Variants in ATP8B4 observed in about 807,000 individuals in gnomAD.
ATP8B4 encodes the protein ATPase phospholipid transporting 8B4 (putative), also known as probable phospholipid-transporting ATPase IM.
A neutral mutation model predicts 145.6 loss-of-function variants in ATP8B4; 133 were observed. The observed-to-expected ratio is 0.91, with a 90% confidence interval of 0.79 to 1.05. The LOEUF (loss-of-function observed/expected upper bound fraction) is 1.05, where lower values mean the gene tolerates loss of function less well. Ranked by LOEUF, ATP8B4 falls within the 50% of genes least tolerant of loss-of-function variation. The pLI, the probability that ATP8B4 is intolerant of heterozygous loss-of-function variation, is 0.00. For missense variants in ATP8B4, 1,458 were observed against 1,425.2 expected (o/e 1.02, Z -0.37); for synonymous variants, 507 against 492.9 (o/e 1.03, Z -0.38).
intron 1 of ATP8B4, among the ~76,000 whole-genome samples, chr15:50,142,486 C>A (rs1052141436): frequency 6.6e-6 from 1 of 152,104 alleles, no homozygotes; most frequent in Non-Finnish European, 1.5e-5. Flanking sequence ...GCAACTCTAG[C>A]CTAGATTTAA....
chr15:49,910,788 G>A (rs1024321372), intron 20 of ATP8B4, among the ~76,000 whole-genome samples: 4 of 152,084 alleles, frequency 2.6e-5, no homozygotes, highest in Non-Finnish European at 5.9e-5. Flanking sequence ...TCTAAATAAA[G>A]TTACTTTATT....
chr15:49,918,216 G>A (rs542332250), intron 19 of ATP8B4, among the ~76,000 whole-genome samples: 7 of 152,308 alleles, frequency 4.6e-5, no homozygotes, highest in South Asian at 4.1e-4. Flanking sequence ...AGTAGAACAC[G>A]ATGATTCACT....
chr15:50,138,662 C>A (rs2044165128), intron 1 of ATP8B4, among the ~76,000 whole-genome samples: 1 of 152,150 alleles, frequency 6.6e-6, no homozygotes, highest in Non-Finnish European at 1.5e-5. Flanking sequence ...CTTGTAAAGT[C>A]AACTGAATTT....
intron 3 of ATP8B4, among the ~76,000 whole-genome samples, chr15:50,062,376 C>G (rs1170750918): frequency 6.6e-6 from 1 of 152,118 alleles, no homozygotes; most frequent in African/African-American, 2.4e-5. Context: ...TCACCTTCTA[C>G]TATGTTTGGA....
rs184192650 is a variant in ATP8B4, at chr15:49,961,025, C to T, written c.1287+952G>A. Among the ~76,000 whole-genome samples, 137 of 151,606 alleles carry T rather than the reference C, an allele frequency of 9.0e-4. 1 individual carries two copies. The highest frequency in any genetic ancestry group is 3.2e-3 in the African/African-American group (131 of 41,316). On this transcript the variant is annotated intron_variant, in intron 14 of 27. Coordinates refer to ENST00000284509, the MANE Select transcript of ATP8B4 (RefSeq NM_024837.4). ...GCGGGCGCCTGTAGTCCCAGCTACT[C>T]GGGAGGCTGAGGCAGGAGAATGGCG...
At chr15:50,061,068 C>T (rs970945627) in intron 3 of ATP8B4, among the ~76,000 whole-genome samples, 1 of 152,108 alleles carries the variant, frequency 6.6e-6, no homozygotes, top group Admixed American at 6.6e-5. Flanking sequence ...ATCAATGTCA[C>T]AGATGAAACA....
intron 1 of ATP8B4, among the ~76,000 whole-genome samples, chr15:50,145,609 A>T (rs1301885796): frequency 6.6e-6 from 1 of 152,176 alleles, no homozygotes; most frequent in Non-Finnish European, 1.5e-5. Flanking sequence ...CTAAATGTGA[A>T]TAAATTCTTA....
intron 8 of ATP8B4, among the ~76,000 whole-genome samples, chr15:49,997,510 T>G (rs929366288): frequency 6.6e-6 from 1 of 152,102 alleles, no homozygotes; most frequent in African/African-American, 2.4e-5. Context: ...ATGGAAATGT[T>G]TAGTGGTACT....
chr15:49,930,318 G>A (rs897957415), intron 16 of ATP8B4, among the ~76,000 whole-genome samples: 32 of 152,160 alleles, frequency 2.1e-4, no homozygotes, highest in African/African-American at 7.2e-4. Flanking sequence ...AGAAATAGGA[G>A]ATGAATTTAG....
chr15:50,036,146 G>A (rs895182591), intron 6 of ATP8B4, among the ~76,000 whole-genome samples: 2 of 152,222 alleles, frequency 1.3e-5, no homozygotes, highest in South Asian at 2.1e-4. Flanking sequence ...ATCCTGAGAT[G>A]AGTATTCACA....
At chr15:50,173,391 T>C (rs2044716211) in intron 1 of ATP8B4, among the ~76,000 whole-genome samples, 1 of 152,074 alleles carries the variant, frequency 6.6e-6, no homozygotes, top group Non-Finnish European at 1.5e-5. Flanking sequence ...TCTATAACCT[T>C]ACCCCCAACC....
intron 6 of ATP8B4, among the ~76,000 whole-genome samples, chr15:50,021,871 C>G (rs2049602320): frequency 6.6e-6 from 1 of 152,086 alleles, no homozygotes. Context: ...AACAGATTAG[C>G]TATTTATGTG....
At chr15:50,015,549 T>C (rs1426899754) in intron 6 of ATP8B4, among the ~76,000 whole-genome samples, 1 of 152,158 alleles carries the variant, frequency 6.6e-6, no homozygotes, top group African/African-American at 2.4e-5. Flanking sequence ...GATTGGACCC[T>C]AAGGAGCTGA....
In ATP8B4 at chr15:49,860,254, T is replaced by A; in HGVS notation, c.3519A>T (p.Leu1173Phe). ...TCACGGTGTCTGTGGTTTTCTTACATAAATTTTCAATCCAGCTAGTGCTAT... is the reference window on the plus strand; with the variant it reads ...TCACGGTGTCTGTGGTTTTCTTACAAAAATTTTCAATCCAGCTAGTGCTAT... ...HYNSTSWIEN[L>F]CKKTTDTVSS... The change falls in exon 28 of 28, where the codon TTA (leucine) becomes TTT (phenylalanine). Residue 1173 changes from leucine (L) to phenylalanine (F), a missense_variant. Physicochemically the swap from Leu to Phe is conservative, Grantham distance 22. Coordinates refer to ENST00000284509, the MANE Select transcript of ATP8B4 (RefSeq NM_024837.4). The A allele has an allele frequency of 6.2e-7, 1 of 1,614,170 alleles. No homozygotes were observed. The highest frequency in any genetic ancestry group is 1.1e-5 in the South Asian group (1 of 91,078).
intron 3 of ATP8B4, among the ~76,000 whole-genome samples, chr15:50,050,785 GC>G (rs1025771261): frequency 8.0e-5 from 12 of 149,310 alleles, no homozygotes; most frequent in African/African-American, 3.0e-4. Flanking sequence ...CACTTGTAAA[GC>G]CATGTAACTA....
At chr15:50,008,415 C>T (rs7166848) in intron 7 of ATP8B4, among the ~76,000 whole-genome samples, 2 of 152,044 alleles carry the variant, frequency 1.3e-5, no homozygotes, top group Non-Finnish European at 2.9e-5. Flanking sequence ...GCATTCTCAC[C>T]CCATCATGGG....
chr15:50,130,440 T>C (rs1231887932), intron 1 of ATP8B4, among the ~76,000 whole-genome samples: 3 of 152,154 alleles, frequency 2.0e-5, no homozygotes, highest in African/African-American at 7.2e-5. Context: ...TATTCTTATA[T>C]AAGTCACTCA....
intron 10 of ATP8B4, among the ~76,000 whole-genome samples, chr15:49,982,141 AAG>A (rs1491351801): frequency 6.6e-6 from 1 of 152,192 alleles, no homozygotes; most frequent in Non-Finnish European, 1.5e-5. Context: ...ATATAGGAGA[AAG>A]GGGGAAATTA....
chr15:49,947,476 T>G (rs1182529826), intron 14 of ATP8B4, among the ~76,000 whole-genome samples: 1 of 146,514 alleles, frequency 6.8e-6, no homozygotes, highest in Non-Finnish European at 1.5e-5. Flanking sequence ...ATGAAAGCAA[T>G]TAAAGACACA....
Sources: gnomAD v4.1 joint callset for allele counts (sites outside exome capture counted in the v4.1 genomes callset) on GRCh38, gnomAD v4.1.1 for gene constraint, MANE v1.5 for transcripts, NCBI Gene and HGNC (gene_info 2026-07-23, HGNC 2026-07-21) for gene names.